TAFA5: variants seen among roughly 807,000 people sequenced by gnomAD.
The protein encoded by TAFA5 is TAFA chemokine like family member 5, also known as chemokine-like protein TAFA-5.
Under a neutral mutation model 15.3 loss-of-function variants are expected in TAFA5, and 6 were observed. The observed-to-expected ratio is 0.39, with a 90% CI of 0.21 to 0.77. The LOEUF (loss-of-function observed/expected upper bound fraction) is 0.77. Among genes scored for constraint, TAFA5 ranks in the 30% least tolerant of loss-of-function variants. The probability of loss-of-function intolerance (pLI) is 0.41; values close to 1 mark genes in which losing one functional copy is unlikely to be tolerated. For synonymous variants in TAFA5, 103 were observed against 80.7 expected, an observed-to-expected ratio of 1.28 and a Z score of -1.48; for missense variants, 161 against 193.1, an observed-to-expected ratio of 0.83 and a Z score of 0.98.
At chr22:48,590,412 T>C (rs1436564479) in intron 1 of TAFA5, among the ~76,000 whole-genome samples, 2 of 152,260 alleles carry the variant, frequency 1.3e-5, no homozygotes, top group Admixed American at 6.5e-5. Flanking sequence ...CTTCTATTTA[T>C]GGCAAAGGCG....
chr22:48,538,459 C>G (rs940775290), intron 1 of TAFA5, among the ~76,000 whole-genome samples: 1 of 152,214 alleles, frequency 6.6e-6, no homozygotes, highest in Non-Finnish European at 1.5e-5. Flanking sequence ...GATACAGTAT[C>G]GTCCATGTGG....
At chr22:48,683,254 C>T (rs1167206619) in intron 2 of TAFA5, among the ~76,000 whole-genome samples, 4 of 152,130 alleles carry the variant, frequency 2.6e-5, no homozygotes, top group Non-Finnish European at 5.9e-5. Flanking sequence ...GTTCCTCCCA[C>T]GTAATAAAGA....
At chr22:48,680,374 A>G (rs911102230) in intron 2 of TAFA5, among the ~76,000 whole-genome samples, 5 of 152,124 alleles carry the variant, frequency 3.3e-5, no homozygotes, top group African/African-American at 1.2e-4. Flanking sequence ...CTCCTGCTGT[A>G]CCCGCCATGC....
chr22:48,678,790 T>C (rs1378190797), intron 2 of TAFA5, among the ~76,000 whole-genome samples: 1 of 151,888 alleles, frequency 6.6e-6, no homozygotes, highest in Non-Finnish European at 1.5e-5. Flanking sequence ...TGTGTACATT[T>C]GTGTATTTCA....
chr22:48,734,436 G>A (rs1569098495), intron 3 of TAFA5, among the ~76,000 whole-genome samples: 2 of 152,196 alleles, frequency 1.3e-5, no homozygotes, highest in Admixed American at 6.5e-5. Context: ...ATTCAGTCTC[G>A]GGCGTCAAAG....
chr22:48,536,539 T>C (rs911047223), intron 1 of TAFA5, among the ~76,000 whole-genome samples: 1 of 152,238 alleles, frequency 6.6e-6, no homozygotes, highest in Non-Finnish European at 1.5e-5. Flanking sequence ...ATGGCAGGGC[T>C]TGTTTTGCCA....
At chr22:48,555,274 C>A (rs577045925) in intron 1 of TAFA5, among the ~76,000 whole-genome samples, 46 of 152,190 alleles carry the variant, frequency 3.0e-4, no homozygotes, top group Non-Finnish European at 5.3e-4. Context: ...TCTTCCTAAG[C>A]GGCACGACCG....
intron 2 of TAFA5, among the ~76,000 whole-genome samples, chr22:48,648,321 C>G (rs1926936629): frequency 6.6e-6 from 1 of 152,292 alleles, no homozygotes; most frequent in Middle Eastern, 3.4e-3. Context: ...CCCCACTCCC[C>G]CTGTGGGGGC....
chr22:48,520,504 A>G (rs1354139664), intron 1 of TAFA5, among the ~76,000 whole-genome samples: 2 of 152,156 alleles, frequency 1.3e-5, no homozygotes, highest in African/African-American at 4.8e-5. Flanking sequence ...GGGACACCCT[A>G]TTGGATGAAG....
chr22:48,576,267 G>GCCCCCTTCCCCCCGCCCGCTCCCCTCCC (rs1923791942), intron 1 of TAFA5: 3 of 662,882 alleles, frequency 4.5e-6, no homozygotes, highest in Non-Finnish European at 6.2e-6. Context: ...CCTCCGCGGC[G>GCCCCCTTCCCCCCGCCCGCTCCCCTCCC]CCCCCCTCCC....
At chr22:48,543,568 T>G (rs116830580) in intron 1 of TAFA5, 1 of 152,346 alleles carries the variant, frequency 6.6e-6, no homozygotes, top group African/African-American at 2.4e-5. Flanking sequence ...TCAGGCCCGC[T>G]GCTGACCGCA....
intron 1 of TAFA5, among the ~76,000 whole-genome samples, chr22:48,640,587 G>A (rs1055008159): frequency 1.3e-5 from 2 of 150,610 alleles, no homozygotes; most frequent in African/African-American, 4.8e-5. Context: ...GATGAGAGGC[G>A]TTTACCCCGG....
chr22:48,546,434 T>C (rs1353323119), intron 1 of TAFA5: 1 of 467,620 alleles, frequency 2.1e-6, no homozygotes, highest in Admixed American at 2.4e-5. Flanking sequence ...CATCGGACAC[T>C]GCCCTATCCT....
intron 1 of TAFA5, among the ~76,000 whole-genome samples, chr22:48,629,723 C>T (rs1466967868): frequency 2.6e-5 from 4 of 152,224 alleles, no homozygotes; most frequent in Non-Finnish European, 4.4e-5. Context: ...AGAGACCCAA[C>T]TCTATGTCCA....
rs1027854486 is a variant in TAFA5, at chr22:48,530,630, C to T, written c.112+40926C>T. On this transcript the variant is annotated intron_variant, in intron 1 of 3. Coordinates refer to ENST00000402357, the MANE Select transcript of TAFA5 (RefSeq NM_001082967.3). The surrounding 1 kb of genome is among the most constrained non-coding windows in gnomAD (Gnocchi z 6.0). ...CCCCTGGCTCCCTCCCTTCCCATCC[C>T]TTCTGCTTGGCGACCCTCCTCCAAT... is the stretch of plus-strand genomic sequence containing the variant. Among the ~76,000 whole-genome samples, 2 of 152,050 alleles carry T rather than the reference C, an allele frequency of 1.3e-5. No homozygotes were observed. Among genetic ancestry groups the T allele is most frequent in the African/African-American group, 4.8e-5 (2 of 41,410 alleles).
intron 3 of TAFA5, among the ~76,000 whole-genome samples, chr22:48,748,900 G>A (rs1404364247): frequency 6.6e-6 from 1 of 152,186 alleles, no homozygotes; most frequent in African/African-American, 2.4e-5. Flanking sequence ...ATCAGGGTGG[G>A]CTCAGAACTT....
chr22:48,674,137 TTCC>T (rs1927893460), intron 2 of TAFA5, among the ~76,000 whole-genome samples: 1 of 152,170 alleles, frequency 6.6e-6, no homozygotes, highest in Non-Finnish European at 1.5e-5. Flanking sequence ...CCCTCCGCCC[TTCC>T]TCCTGCTTGG....
chr22:48,642,178 G>A (rs1926706918), intron 1 of TAFA5, among the ~76,000 whole-genome samples: 1 of 152,182 alleles, frequency 6.6e-6, no homozygotes, highest in South Asian at 2.1e-4. Flanking sequence ...GCCTGGTGGA[G>A]CGGCCTGCGC....
rs1227527203 is a variant in TAFA5, at chr22:48,597,722, G to A, written c.113-48875G>A. Among the ~76,000 whole-genome samples the A allele has an allele frequency of 5.9e-5, 9 of 152,240 alleles. No homozygotes were observed. In the East Asian group the frequency reaches 1.7e-3, roughly 29 times the overall value. On this transcript the variant is annotated intron_variant, in intron 1 of 3. Coordinates refer to ENST00000402357, the MANE Select transcript of TAFA5 (RefSeq NM_001082967.3). ...GTCTGACTTCATCATGCCCTTCATT[G>A]TCATCCTTTCAGAAAACTCTTACTG...
Sources: allele counts gnomAD v4.1 joint callset (sites outside exome capture counted in the v4.1 genomes callset), GRCh38; gene constraint gnomAD v4.1.1; non-coding constraint Gnocchi (gnomAD v3.1); transcripts MANE v1.5; gene names NCBI Gene and HGNC (gene_info 2026-07-23, HGNC 2026-07-21).